Variants in CABP1 observed in about 807,000 individuals in gnomAD.
CABP1 encodes the protein calcium-binding protein 1.
A neutral mutation model predicts 34.3 loss-of-function variants in CABP1; 17 were observed. The observed-to-expected ratio is 0.50, with a 90% CI of 0.34 to 0.74. The LOEUF (loss-of-function observed/expected upper bound fraction) is 0.74. CABP1 is among the 30% of genes least tolerant of loss of function. The pLI is 0.01. For missense variants in CABP1, 373 were observed against 511.1 expected (o/e 0.73, Z 2.61); for synonymous variants, 198 against 229.2 (o/e 0.86, Z 1.23).
chr12:120,659,984 G>A (rs916504197), intron 2 of CABP1, 76 bp downstream of exon 2: 2 of 1,483,420 alleles, frequency 1.3e-6, no homozygotes, highest in South Asian at 1.2e-5. Context: ...GATGGGAAGA[G>A]AGGCCCCTGG....
the CABP1 span, among the ~76,000 whole-genome samples, chr12:120,680,687 G>A: frequency 6.6e-6 from 1 of 152,140 alleles, no homozygotes. Context: ...CTTCTGCATG[G>A]TCTATCCTGA....
the CABP1 span, among the ~76,000 whole-genome samples, chr12:120,675,311 C>A: frequency 6.6e-6 from 1 of 152,342 alleles, no homozygotes. Context: ...CCTCGACCTC[C>A]CAAAGTGGTG....
the CABP1 span, among the ~76,000 whole-genome samples, chr12:120,680,692 T>C: frequency 6.6e-6 from 1 of 152,166 alleles, no homozygotes; most frequent in Non-Finnish European, 1.5e-5. Flanking sequence ...GCATGGTCTA[T>C]CCTGAGAGCA....
At chr12:120,680,387 C>T in the CABP1 span, among the ~76,000 whole-genome samples, 1 of 152,166 alleles carries the variant, frequency 6.6e-6, no homozygotes, top group East Asian at 1.9e-4. Flanking sequence ...CTCTGTCTGA[C>T]CCCCAAATCT....
intron 1 of CABP1, among the ~76,000 whole-genome samples, chr12:120,649,823 G>A (rs1879729702): frequency 6.6e-6 from 1 of 152,118 alleles, no homozygotes; most frequent in Non-Finnish European, 1.5e-5. Flanking sequence ...CAGTGACAAG[G>A]CAAGTGTGAA....
the CABP1 span, among the ~76,000 whole-genome samples, chr12:120,672,432 G>A: frequency 0.48 from 72,584 of 151,320 alleles, 18,874 homozygotes; most frequent in African/African-American, 0.68. Flanking sequence ...CGGGAGTTCG[G>A]GACCAGCCTG....
chr12:120,641,535 TC>T lies in CABP1; in HGVS notation c.654+198del. On this transcript the variant is annotated intron_variant, in intron 1 of 5. Transcript: ENST00000316803. This position sits in a 1 kb window ranked among gnomAD's most constrained non-coding sequence, Gnocchi z 6.7. ...GCCTGATTCAGCACCCCGTGCGCTG[TC>T]CACGCTCCGGGCCTCTTGGGGCAAG... The T allele has an allele frequency of 2.0e-6, 1 of 506,122 alleles. No individual in the cohort carries two copies. The highest frequency in any genetic ancestry group is 3.1e-6 in the Non-Finnish European group (1 of 327,362). The allele number at this position is 506,122 out of a possible 1,614,324, so 31.4% of individuals were successfully genotyped here. A position where few individuals can be genotyped will look rare whatever the true frequency, so the allele number is the denominator to read the frequency against.
intron 5 of CABP1, among the ~76,000 whole-genome samples, chr12:120,666,473 C>CAAA (rs55848637): frequency 4.3e-4 from 35 of 81,086 alleles, no homozygotes; most frequent in Non-Finnish European, 4.9e-4. Flanking sequence ...GACTCCATCT[C>CAAA]AAAAAAAAAA....
At chr12:120,675,508 T>C in the CABP1 span, among the ~76,000 whole-genome samples, 2 of 152,244 alleles carry the variant, frequency 1.3e-5, no homozygotes, top group South Asian at 4.1e-4. Context: ...TTTGAATAGC[T>C]AGATCCTTCT....
chr12:120,644,061 G>C (rs1593153701), intron 1 of CABP1, among the ~76,000 whole-genome samples: 1 of 152,342 alleles, frequency 6.6e-6, no homozygotes, highest in East Asian at 1.9e-4. Context: ...GCGTGGTTTT[G>C]AGGCTAAGGT....
chr12:120,641,144 G>C lies in CABP1; in HGVS notation c.459G>C (p.Ala153=). 8.1e-7 allele frequency: 1 copy of C among 1,234,010 alleles called. No homozygotes were observed. Among genetic ancestry groups the C allele is most frequent in the Non-Finnish European group, 1.0e-6 (1 of 990,876 alleles). The allele number at this position is 1,234,010 out of a possible 1,614,324, so 76.4% of individuals were successfully genotyped here. A position where few individuals can be genotyped will look rare whatever the true frequency, so the allele number is the denominator to read the frequency against. Residue 153 remains alanine (A), a synonymous_variant, in exon 1 of 6, where the codon GCG becomes GCC. Transcript: ENST00000316803. The surrounding 1 kb of genome is among the most constrained non-coding windows in gnomAD (Gnocchi z 6.7). The part of the protein sequence containing the change: ...CRPREALPAA[A]SRPSPSSPLP... The stretch of plus-strand genomic sequence containing the variant: ...CCCGGGAGGCGCTGCCGGCCGCGGC[G>C]TCCCGACCTTCGCCGTCGTCGCCGC...
chr12:120,659,847 G>A lies in CABP1; in HGVS notation c.655-31G>A, dbSNP rs765714651. The A allele has an allele frequency of 2.5e-5, 41 of 1,610,632 alleles. No individual in the cohort carries two copies. In the Middle Eastern group the frequency reaches 1.6e-3, roughly 65 times the overall value. On this transcript the variant is annotated intron_variant, in intron 1 of 5. Coordinates refer to ENST00000316803, the MANE Select transcript of CABP1 (RefSeq NM_001033677.2). ...TTTTGTGACTTCCAGGTCCCTTGTCGCGGCTAATAGGACATGTTCTTTTGT... is the reference window on the plus strand; with the variant it reads ...TTTTGTGACTTCCAGGTCCCTTGTCACGGCTAATAGGACATGTTCTTTTGT...
chr12:120,660,489 C>T lies in CABP1; in HGVS notation c.829+150C>T. On this transcript the variant is annotated intron_variant, in intron 3 of 5. Coordinates refer to ENST00000316803, the MANE Select transcript of CABP1 (RefSeq NM_001033677.2). This position sits in a 1 kb window ranked among gnomAD's most constrained non-coding sequence, Gnocchi z 5.0. ...ACTTACCCTCTCTGAGCCTCAGTTT[C>T]CTCACCTGTAAAATGAGGGCCGAAT... The T allele has an allele frequency of 1.1e-6, 1 of 926,694 alleles. No homozygotes were observed. Among genetic ancestry groups the T allele is most frequent in the Admixed American group, 2.6e-5 (1 of 38,196 alleles). The allele number at this position is 926,694 out of a possible 1,614,324, so 57.4% of individuals were successfully genotyped here. A position where few individuals can be genotyped will look rare whatever the true frequency, so the allele number is the denominator to read the frequency against.
At chr12:120,664,880 GAAAA>G (rs77147570) in intron 5 of CABP1, among the ~76,000 whole-genome samples, 2 of 120,566 alleles carry the variant, frequency 1.7e-5, no homozygotes, top group Non-Finnish European at 3.7e-5. Context: ...GTCTCAAAAA[GAAAA>G]AAAAAAAAGA....
intron 1 of CABP1, among the ~76,000 whole-genome samples, chr12:120,644,764 A>G (rs775308244): frequency 6.6e-6 from 1 of 152,186 alleles, no homozygotes; most frequent in Non-Finnish European, 1.5e-5. Context: ...AATGAATGGT[A>G]TCACCAGCCT....
Position 120,641,151 on chromosome 12 carries a change from C to A in CABP1, c.466C>A (p.Pro156Thr). The change falls in exon 1 of 6, where the codon CCT becomes ACT. Residue 156 changes from proline (P) to threonine (T), a missense_variant. Physicochemically the swap from Pro to Thr is conservative, Grantham distance 38. Transcript: ENST00000316803. The surrounding 1 kb of genome is among the most constrained non-coding windows in gnomAD (Gnocchi z 6.7). ...GGCGCTGCCGGCCGCGGCGTCCCGACCTTCGCCGTCGTCGCCGCTGCCGCC... is the reference window on the plus strand; with the variant it reads ...GGCGCTGCCGGCCGCGGCGTCCCGAACTTCGCCGTCGTCGCCGCTGCCGCC... ...REALPAAASR[P>T]SPSSPLPPAR... 8.1e-7 allele frequency: 1 copy of A among 1,236,298 alleles called. No homozygotes were observed. Among genetic ancestry groups the A allele is most frequent in the Non-Finnish European group, 1.0e-6 (1 of 992,258 alleles). 76.6% of individuals were successfully genotyped at this position (1,236,298 alleles called of 1,614,324 possible). A position where few individuals can be genotyped will look rare whatever the true frequency, so the allele number is the denominator to read the frequency against.
intron 1 of CABP1, among the ~76,000 whole-genome samples, chr12:120,653,972 C>T (rs1012199283): frequency 1.3e-5 from 2 of 152,218 alleles, no homozygotes; most frequent in East Asian, 1.9e-4. Context: ...TCCTGGGGTT[C>T]GGCCAGTCAC....
Position 120,640,819 on chromosome 12 carries a change from C to G in CABP1, c.134C>G (p.Pro45Arg). Reference sequence around the variant, plus strand: ...GGCCCCGCGCCGCGCCGCACCGCGCCGCCCCCGCCGGGCCATGCGAGCGCG... The same window carrying G: ...GGCCCCGCGCCGCGCCGCACCGCGCGGCCCCCGCCGGGCCATGCGAGCGCG... ...AGGPAPRRTAPPPPGHASAGP... is the reference protein window; with the variant it reads ...AGGPAPRRTARPPPGHASAGP... Residue 45 changes from proline (P) to arginine (R), a missense_variant, in exon 1 of 6, where the codon CCG (proline) becomes CGG (arginine). Pro to Arg is a moderately radical substitution (Grantham distance 103). Around this residue, in one of 4 missense-constraint regions of CABP1, gnomAD observed 134 missense variants for 145.4 expected, o/e 0.92. Coordinates refer to ENST00000316803, the MANE Select transcript of CABP1 (RefSeq NM_001033677.2). The surrounding 1 kb of genome is among the most constrained non-coding windows in gnomAD (Gnocchi z 6.2). The G allele has an allele frequency of 9.2e-7, 1 of 1,083,380 alleles. No homozygotes were observed. Among genetic ancestry groups the G allele is most frequent in the African/African-American group, 1.7e-5 (1 of 59,154 alleles). 67.1% of individuals were successfully genotyped at this position (1,083,380 alleles called of 1,614,324 possible).
chr12:120,640,772 G>A lies in CABP1; in HGVS notation c.87G>A (p.Glu29=). 1 of 1,151,862 alleles carries A rather than the reference G, an allele frequency of 8.7e-7. No individual in the cohort carries two copies. The highest frequency in any genetic ancestry group is 1.6e-5 in the African/African-American group (1 of 61,100). The allele number at this position is 1,151,862 out of a possible 1,614,324, so 71.4% of individuals were successfully genotyped here. The change falls in exon 1 of 6, where the codon GAG becomes GAA. Residue 29 remains glutamate (E), a synonymous_variant. Coordinates refer to ENST00000316803, the MANE Select transcript of CABP1 (RefSeq NM_001033677.2). This position sits in a 1 kb window ranked among gnomAD's most constrained non-coding sequence, Gnocchi z 6.2. The stretch of plus-strand genomic sequence containing the variant: ...TCCTCGGGCTTGGCTCCCGCCGGGA[G>A]CCCCGTTCTCTGCCCGCCGGGGGCC... ...QRVLGLGSRR[E]PRSLPAGGPA...
Sources: allele counts gnomAD v4.1 joint callset (sites outside exome capture counted in the v4.1 genomes callset), GRCh38; gene constraint gnomAD v4.1.1; regional missense constraint gnomAD v4.1.1; non-coding constraint Gnocchi (gnomAD v3.1); transcripts MANE v1.5; gene names NCBI Gene and HGNC (gene_info 2026-07-23, HGNC 2026-07-21).